SYNPR: variants seen among roughly 807,000 people sequenced by gnomAD.
The protein encoded by SYNPR is synaptoporin.
Under a neutral mutation model 32.9 loss-of-function variants are expected in SYNPR, and 23 were observed. The observed-to-expected ratio is 0.70, with a 90% CI of 0.50 to 0.99. The LOEUF (loss-of-function observed/expected upper bound fraction) is 0.99, where lower values mean the gene tolerates loss of function less well. Ranked by LOEUF, SYNPR falls within the 50% of genes least tolerant of loss-of-function variation. The pLI, the probability that SYNPR is intolerant of heterozygous loss-of-function variation, is 0.00. For synonymous variants in SYNPR, 146 were observed against 135.9 expected (o/e 1.07, Z -0.52); for missense variants, 318 against 349.3 (o/e 0.91, Z 0.71).
intron 2 of SYNPR, among the ~76,000 whole-genome samples, chr3:63,313,143 A>G (rs903226864): frequency 6.6e-6 from 1 of 152,044 alleles, no homozygotes; most frequent in African/African-American, 2.4e-5. Flanking sequence ...CCATTTATTG[A>G]AAGAATGAAT....
intron 2 of SYNPR, among the ~76,000 whole-genome samples, chr3:63,448,998 G>A (rs1342154039): frequency 6.6e-6 from 1 of 152,178 alleles, no homozygotes; most frequent in Non-Finnish European, 1.5e-5. Flanking sequence ...AGGAAGCAGG[G>A]AGCTGGAAAA....
At chr3:63,347,939 T>G (rs999128594) in intron 2 of SYNPR, among the ~76,000 whole-genome samples, 1 of 151,010 alleles carries the variant, frequency 6.6e-6, no homozygotes, top group African/African-American at 2.4e-5. Flanking sequence ...CACATTTTCT[T>G]AATCCAAGCA....
intron 4 of SYNPR, among the ~76,000 whole-genome samples, chr3:63,587,931 T>C (rs1360194425): frequency 6.6e-6 from 1 of 152,090 alleles, no homozygotes; most frequent in African/African-American, 2.4e-5. Flanking sequence ...TCTCAAAATT[T>C]CCCAGTGTGG....
chr3:63,351,749 A>G (rs2087512643), intron 2 of SYNPR: 1 of 152,196 alleles, frequency 6.6e-6, no homozygotes, highest in Non-Finnish European at 1.5e-5. Flanking sequence ...CCTGCCTGCT[A>G]TGTCACAAGT....
intron 2 of SYNPR, among the ~76,000 whole-genome samples, chr3:63,474,995 T>C (rs1700873033): frequency 6.6e-6 from 1 of 152,190 alleles, no homozygotes; most frequent in Non-Finnish European, 1.5e-5. Context: ...TTCATTGATA[T>C]TCCGTGTGTG....
intron 2 of SYNPR, among the ~76,000 whole-genome samples, chr3:63,332,155 AG>A (rs1198964190): frequency 6.6e-6 from 1 of 152,134 alleles, no homozygotes; most frequent in African/African-American, 2.4e-5. Flanking sequence ...GACTTTATGA[AG>A]TCACATGCTC....
At chr3:63,488,203 T>C (rs1289535634) in intron 3 of SYNPR, among the ~76,000 whole-genome samples, 1 of 152,240 alleles carries the variant, frequency 6.6e-6, no homozygotes, top group Non-Finnish European at 1.5e-5. Context: ...CAATTTTTTA[T>C]ATCTTGTGTT....
At chr3:63,485,705 C>T (rs1701135236) in intron 3 of SYNPR, among the ~76,000 whole-genome samples, 1 of 152,100 alleles carries the variant, frequency 6.6e-6, no homozygotes, top group South Asian at 2.1e-4. Context: ...GTGCTCACCT[C>T]TTGTTTTTTG....
chr3:63,434,941 G>A (rs927805703), intron 2 of SYNPR, among the ~76,000 whole-genome samples: 13 of 152,130 alleles, frequency 8.5e-5, no homozygotes, highest in African/African-American at 1.9e-4. Context: ...TATGCAGGAC[G>A]GCAGAAAGAG....
At chr3:63,485,752 T>G (rs1701136407) in intron 3 of SYNPR, among the ~76,000 whole-genome samples, 1 of 152,128 alleles carries the variant, frequency 6.6e-6, no homozygotes, top group Admixed American at 6.6e-5. Flanking sequence ...GATGATAAAT[T>G]TACGACCTTG....
At chr3:63,401,041 G>GTT (rs71709731) in intron 2 of SYNPR, among the ~76,000 whole-genome samples, 1 of 140,964 alleles carries the variant, frequency 7.1e-6, no homozygotes, top group African/African-American at 2.9e-5. Flanking sequence ...CACAAAAAAG[G>GTT]TTTTTTTTTT....
chr3:63,555,289 T>TTTTTTTTTTTTTTTTTTGAGACGG (rs1553646600), intron 3 of SYNPR, among the ~76,000 whole-genome samples: 1 of 149,234 alleles, frequency 6.7e-6, no homozygotes, highest in African/African-American at 2.4e-5. Context: ...AAATACTTCC[T>TTTTTTTTTTTTTTTTTTGAGACGG]AAGTATAAGT....
intron 4 of SYNPR, among the ~76,000 whole-genome samples, chr3:63,605,097 C>T (rs1276371568): frequency 8.5e-5 from 13 of 152,152 alleles, no homozygotes; most frequent in Non-Finnish European, 5.9e-5. Flanking sequence ...TGCTTGCATC[C>T]ATGGAACTGA....
intron 4 of SYNPR, among the ~76,000 whole-genome samples, chr3:63,586,557 G>A (rs1001011121): frequency 2.2e-4 from 34 of 151,676 alleles, no homozygotes; most frequent in African/African-American, 6.8e-4. Context: ...ATCCTTGAGG[G>A]AATTTAAGAA....
chr3:63,395,329 T>C (rs1374654843), intron 2 of SYNPR, among the ~76,000 whole-genome samples: 5 of 152,220 alleles, frequency 3.3e-5, no homozygotes, highest in African/African-American at 1.2e-4. Flanking sequence ...TTTATGACTC[T>C]TTATGTGAAT....
At chr3:63,441,353 GA>G (rs939776997) in intron 2 of SYNPR, among the ~76,000 whole-genome samples, 30 of 152,162 alleles carry the variant, frequency 2.0e-4, no homozygotes, top group Admixed American at 7.9e-4. Context: ...GAGCCAATGA[GA>G]ATTACTCACT....
chr3:63,283,238 G>GA (rs766512545), intron 2 of SYNPR, among the ~76,000 whole-genome samples: 43 of 152,098 alleles, frequency 2.8e-4, no homozygotes, highest in Non-Finnish European at 5.1e-4. Flanking sequence ...ATAGCCTGGG[G>GA]AAAAAATCCA....
chr3:63,528,204 C>G (rs1702050656), intron 3 of SYNPR, among the ~76,000 whole-genome samples: 1 of 152,076 alleles, frequency 6.6e-6, no homozygotes. Flanking sequence ...CATTTTAAAC[C>G]AAAATGTGTT....
chr3:63,501,548 G>T (rs1222724087), intron 3 of SYNPR, among the ~76,000 whole-genome samples: 1 of 135,880 alleles, frequency 7.4e-6, no homozygotes, highest in Non-Finnish European at 1.6e-5. Flanking sequence ...GAATAGAAAA[G>T]AAAAGAAAAT....
Sources: gnomAD v4.1 joint callset for allele counts (sites outside exome capture counted in the v4.1 genomes callset) on GRCh38, gnomAD v4.1.1 for gene constraint, MANE v1.5 for transcripts, NCBI Gene and HGNC (gene_info 2026-07-23, HGNC 2026-07-21) for gene names.